The following CAP2 variants were observed in gnomAD, a reference collection of about 807,000 sequenced individuals.
The protein encoded by CAP2 is adenylyl cyclase-associated protein 2.
A neutral mutation model predicts 57.7 loss-of-function variants in CAP2; 24 were observed. That is an observed-to-expected ratio of 0.42 (90% CI 0.30 to 0.58). The LOEUF (loss-of-function observed/expected upper bound fraction) is 0.58, where lower values mean the gene tolerates loss of function less well. Among genes scored for constraint, CAP2 ranks in the 20% least tolerant of loss-of-function variants. The pLI, the probability that CAP2 is intolerant of heterozygous loss-of-function variation, is 0.22. For synonymous variants in CAP2, 194 were observed against 207.2 expected (o/e 0.94, Z 0.55); for missense variants, 501 against 590.3 (o/e 0.85, Z 1.57).
At chr6:17,493,192 T>G (rs1275070382) in intron 4 of CAP2, among the ~76,000 whole-genome samples, 1 of 152,240 alleles carries the variant, frequency 6.6e-6, no homozygotes, top group Non-Finnish European at 1.5e-5. Context: ...TTAGTTTGTG[T>G]ATTCATTCAC....
At chr6:17,532,488 G>C (rs1159894523) in intron 7 of CAP2, among the ~76,000 whole-genome samples, 1 of 145,310 alleles carries the variant, frequency 6.9e-6, no homozygotes, top group Non-Finnish European at 1.5e-5. Context: ...GCTCACGCCT[G>C]TAATCCCAAC....
chr6:17,461,894 G>A (rs1407202880), intron 3 of CAP2, among the ~76,000 whole-genome samples: 1 of 149,214 alleles, frequency 6.7e-6, no homozygotes, highest in African/African-American at 2.4e-5. Context: ...TCGGGGGGCT[G>A]AGGCAGGAGA....
chr6:17,397,694 C>CAAAAAA (rs554131865), intron 1 of CAP2, among the ~76,000 whole-genome samples: 74 of 70,240 alleles, frequency 1.1e-3, no homozygotes, highest in Non-Finnish European at 1.3e-3. Context: ...GACTCCATAT[C>CAAAAAA]AAAAAAAAAA....
Position 17,475,054 on chromosome 6 carries a change from A to G in CAP2, c.300+11981A>G, listed in dbSNP as rs562842899. Among the ~76,000 whole-genome samples the G allele has an allele frequency of 2.4e-3, 358 of 152,102 alleles. 1 individual carries two copies. The highest frequency in any genetic ancestry group is 4.1e-3 in the Non-Finnish European group (280 of 67,982). On this transcript the variant is annotated intron_variant, in intron 4 of 12. Transcript: ENST00000229922. Reference sequence around the variant, plus strand: ...TACTAAAAATACAAAAATTAGCTGGATGTGGTGACGTGCGCCTGTAATCCC... The same window carrying G: ...TACTAAAAATACAAAAATTAGCTGGGTGTGGTGACGTGCGCCTGTAATCCC...
intron 4 of CAP2, among the ~76,000 whole-genome samples, chr6:17,477,469 C>A (rs1761180640): frequency 6.6e-6 from 1 of 152,178 alleles, no homozygotes; most frequent in African/African-American, 2.4e-5. Context: ...CAAAACCAGC[C>A]AGACCCCAGA....
intron 1 of CAP2, among the ~76,000 whole-genome samples, chr6:17,410,069 G>A (rs1224308483): frequency 4.6e-5 from 7 of 152,148 alleles, no homozygotes; most frequent in African/African-American, 7.2e-5. Flanking sequence ...AGGCATAGGC[G>A]GTGGGATGCC....
intron 7 of CAP2, among the ~76,000 whole-genome samples, chr6:17,524,462 AAGGGTG>A (rs1762457444): frequency 1.3e-5 from 2 of 152,196 alleles, no homozygotes; most frequent in African/African-American, 2.4e-5. Context: ...GCGAGAATTC[AAGGGTG>A]AGCCAGCGGT....
chr6:17,473,754 T>C (rs978751742), intron 4 of CAP2, among the ~76,000 whole-genome samples: 1 of 152,218 alleles, frequency 6.6e-6, no homozygotes, highest in Non-Finnish European at 1.5e-5. Context: ...TTTATGGTCA[T>C]GTTCTATATT....
intron 4 of CAP2, among the ~76,000 whole-genome samples, chr6:17,469,630 C>T (rs1760967104): frequency 6.6e-6 from 1 of 152,108 alleles, no homozygotes; most frequent in Non-Finnish European, 1.5e-5. Context: ...TTCTACTATC[C>T]TCCCTCTCGT....
At chr6:17,455,583 T>C (rs1760539129) in intron 3 of CAP2, among the ~76,000 whole-genome samples, 1 of 151,896 alleles carries the variant, frequency 6.6e-6, no homozygotes, top group Non-Finnish European at 1.5e-5. Flanking sequence ...TCGCCCAGGC[T>C]GGAGTGCAGT....
intron 1 of CAP2, among the ~76,000 whole-genome samples, chr6:17,410,538 T>G (rs1372189162): frequency 6.6e-6 from 1 of 151,916 alleles, no homozygotes; most frequent in Non-Finnish European, 1.5e-5. Context: ...TTCTGACCAC[T>G]GGGAGATGAG....
intron 1 of CAP2, among the ~76,000 whole-genome samples, chr6:17,402,397 G>A (rs896696009): frequency 1.3e-5 from 2 of 152,180 alleles, no homozygotes; most frequent in African/African-American, 2.4e-5. Context: ...TTTCGTTTCA[G>A]GGGTGAGAAA....
intron 3 of CAP2, among the ~76,000 whole-genome samples, chr6:17,462,704 C>T (rs997599949): frequency 2.0e-5 from 3 of 152,170 alleles, no homozygotes; most frequent in Non-Finnish European, 4.4e-5. Context: ...TTTCAAGGGT[C>T]ACCTATGTCG....
chr6:17,553,290 A>G (rs1294132223), intron 12 of CAP2, among the ~76,000 whole-genome samples: 3 of 152,150 alleles, frequency 2.0e-5, no homozygotes, highest in Non-Finnish European at 4.4e-5. Context: ...ATTGAAATCC[A>G]CCGGCCTAAA....
Position 17,493,273 on chromosome 6 carries a change from T to G in CAP2, c.301-13896T>G, listed in dbSNP as rs1055817095. 5 of 197,196 alleles carry G rather than the reference T, an allele frequency of 2.5e-5. No individual in the cohort carries two copies. In the East Asian group the frequency reaches 5.0e-4, roughly 20 times the overall value. The allele number at this position is 197,196 out of a possible 1,614,324, so 12.2% of individuals were successfully genotyped here. A position where few individuals can be genotyped will look rare whatever the true frequency, so the allele number is the denominator to read the frequency against. On this transcript the variant is annotated intron_variant, in intron 4 of 12. Coordinates refer to ENST00000229922, the MANE Select transcript of CAP2 (RefSeq NM_006366.3). ...TGCAAGCTAGACCACCAGCATCCAC[T>G]CATATAACCCAAATAAGCCACTTAA...
intron 1 of CAP2, among the ~76,000 whole-genome samples, chr6:17,407,018 T>C (rs1758998134): frequency 6.6e-6 from 1 of 152,216 alleles, no homozygotes. Flanking sequence ...TCATGTACTA[T>C]TGTTTTGTCT....
chr6:17,547,757 C>T (rs1381518435), intron 11 of CAP2, among the ~76,000 whole-genome samples: 1 of 150,778 alleles, frequency 6.6e-6, no homozygotes, highest in African/African-American at 2.4e-5. Flanking sequence ...AGGAGAATGG[C>T]ATGAACCCGG....
intron 1 of CAP2, among the ~76,000 whole-genome samples, chr6:17,397,797 C>T (rs1213252794): frequency 6.6e-6 from 1 of 150,764 alleles, no homozygotes; most frequent in East Asian, 2.0e-4. Context: ...TTCTTGTTGA[C>T]AGGCATTTGG....
chr6:17,456,787 T>A (rs1760582751), intron 3 of CAP2, among the ~76,000 whole-genome samples: 1 of 152,152 alleles, frequency 6.6e-6, no homozygotes, highest in Admixed American at 6.5e-5. Context: ...GGGTGGATGC[T>A]TTTGCCATCT....
Sources: allele counts gnomAD v4.1 joint callset (sites outside exome capture counted in the v4.1 genomes callset), GRCh38; gene constraint gnomAD v4.1.1; transcripts MANE v1.5; gene names NCBI Gene and HGNC (gene_info 2026-07-23, HGNC 2026-07-21).